NRF1: variants seen among roughly 807,000 people sequenced by gnomAD.
NRF1 encodes alpha palindromic-binding protein.
NRF1 carries 5 observed loss-of-function variants against 58.5 expected under a neutral mutation model. The observed-to-expected ratio is 0.09, with a 90% CI of 0.04 to 0.18. NRF1 has a LOEUF of 0.18. NRF1 is among the 10% of genes least tolerant of loss of function. The pLI, the probability that NRF1 is intolerant of heterozygous loss-of-function variation, is 1.00. For synonymous variants in NRF1, 224 were observed against 246.7 expected (o/e 0.91, Z 0.86); for missense variants, 288 against 657.7 (o/e 0.44, Z 6.15).
At chr7:129,651,664 C>A (rs1801538752) in intron 1 of NRF1, among the ~76,000 whole-genome samples, 1 of 152,038 alleles carries the variant, frequency 6.6e-6, no homozygotes, top group African/African-American at 2.4e-5. Flanking sequence ...TCTGAAGTAC[C>A]CAGAATTCTA....
chr7:129,704,710 G>C (rs944730825), intron 5 of NRF1, among the ~76,000 whole-genome samples: 4 of 152,066 alleles, frequency 2.6e-5, no homozygotes, highest in African/African-American at 9.7e-5. Context: ...ATAGCCTGGT[G>C]GTAATTTCTT....
intron 10 of NRF1, among the ~76,000 whole-genome samples, chr7:129,754,714 T>C (rs1252075339): frequency 6.6e-6 from 1 of 152,154 alleles, no homozygotes; most frequent in Non-Finnish European, 1.5e-5. Flanking sequence ...GATAAATCTT[T>C]AAAGAGATTA....
rs115641507 is a variant in NRF1 at position 129,666,327 on chromosome 7, A to T, written c.224-5102A>T. Among the ~76,000 whole-genome samples, 1,101 of 152,218 alleles carry T rather than the reference A, an allele frequency of 7.2e-3. 16 individuals carry two copies. Among genetic ancestry groups the T allele is most frequent in the African/African-American group, 0.025 (1,048 of 41,536 alleles). On this transcript the variant is annotated intron_variant, in intron 2 of 10. Transcript: ENST00000393232. ...CTTTGTCATTCTCTTGCATTTGTCTATATTTGCTATTATGTGTCTGTATGA... is the reference window on the plus strand; with the variant it reads ...CTTTGTCATTCTCTTGCATTTGTCTTTATTTGCTATTATGTGTCTGTATGA...
chr7:129,673,704 G>A (rs1449558633), intron 3 of NRF1, among the ~76,000 whole-genome samples: 5 of 104,686 alleles, frequency 4.8e-5, no homozygotes, highest in South Asian at 3.5e-4. Flanking sequence ...GCGACAGAGC[G>A]AGACTCCGTC....
intron 6 of NRF1, among the ~76,000 whole-genome samples, chr7:129,709,822 C>G (rs529533756): frequency 1.3e-4 from 20 of 151,296 alleles, no homozygotes; most frequent in Admixed American, 1.3e-3. Flanking sequence ...CCTCTGCCTC[C>G]CGGGTTCAAG....
intron 4 of NRF1, among the ~76,000 whole-genome samples, chr7:129,682,363 A>T (rs1802335317): frequency 6.6e-6 from 1 of 151,070 alleles, no homozygotes; most frequent in Admixed American, 6.6e-5. Context: ...GGAGGCTGAG[A>T]TGTGAAGATT....
intron 10 of NRF1, among the ~76,000 whole-genome samples, chr7:129,746,645 C>G (rs988396857): frequency 3.9e-5 from 6 of 152,204 alleles, no homozygotes; most frequent in Non-Finnish European, 8.8e-5. Context: ...GCAATATAAT[C>G]CGGAATTTAA....
At chr7:129,666,283 C>T (rs1387240687) in intron 2 of NRF1, among the ~76,000 whole-genome samples, 1 of 152,122 alleles carries the variant, frequency 6.6e-6, no homozygotes, top group East Asian at 1.9e-4. Context: ...ACTGGGGTAA[C>T]CAGTATTCTA....
intron 1 of NRF1, among the ~76,000 whole-genome samples, chr7:129,617,324 G>A (rs750938627): frequency 6.6e-6 from 1 of 152,140 alleles, no homozygotes; most frequent in Non-Finnish European, 1.5e-5. Flanking sequence ...TGCTAATGTG[G>A]TTAGGCTGGC....
chr7:129,686,705 T>G (rs968270814), intron 4 of NRF1, among the ~76,000 whole-genome samples: 1 of 152,250 alleles, frequency 6.6e-6, no homozygotes, highest in Non-Finnish European at 1.5e-5. Context: ...CAAATGGCAG[T>G]GGTATACAAG....
intron 10 of NRF1, among the ~76,000 whole-genome samples, chr7:129,728,494 AC>A (rs1554415106): frequency 6.8e-6 from 1 of 147,614 alleles, no homozygotes; most frequent in African/African-American, 2.5e-5. Flanking sequence ...AAAAAAAAAA[AC>A]CAATCCTGGA....
intron 10 of NRF1, among the ~76,000 whole-genome samples, chr7:129,729,565 G>C (rs564373859): frequency 1.3e-5 from 2 of 152,308 alleles, no homozygotes; most frequent in African/African-American, 4.8e-5. Flanking sequence ...GAGTTGTGCC[G>C]TATCCCAGCA....
chr7:129,663,403 C>T (rs1482658499), intron 2 of NRF1, among the ~76,000 whole-genome samples: 2 of 150,914 alleles, frequency 1.3e-5, no homozygotes, highest in Admixed American at 6.6e-5. Flanking sequence ...GCGCTCCTCA[C>T]CTCCCAGACG....
intron 4 of NRF1, among the ~76,000 whole-genome samples, chr7:129,680,220 C>T (rs1183192793): frequency 6.6e-6 from 1 of 152,006 alleles, no homozygotes; most frequent in Non-Finnish European, 1.5e-5. Flanking sequence ...AATCACATTT[C>T]GATTTTCATT....
At chr7:129,708,325 G>A (rs1170640245) in intron 5 of NRF1, among the ~76,000 whole-genome samples, 1 of 152,210 alleles carries the variant, frequency 6.6e-6, no homozygotes, top group Non-Finnish European at 1.5e-5. Flanking sequence ...AATAAGAATG[G>A]CAGTTGTCTT....
intron 1 of NRF1, among the ~76,000 whole-genome samples, chr7:129,645,165 T>G (rs543721313): frequency 3.9e-5 from 6 of 152,344 alleles, no homozygotes; most frequent in South Asian, 4.1e-4. Flanking sequence ...CCATGTCCCC[T>G]TAAGCCCTTT....
intron 3 of NRF1, among the ~76,000 whole-genome samples, chr7:129,674,919 C>T (rs1033580987): frequency 1.3e-5 from 2 of 152,128 alleles, no homozygotes; most frequent in African/African-American, 2.4e-5. Flanking sequence ...TTTGCCCTAT[C>T]GATTGACTCT....
At chr7:129,689,041 G>T (rs918766340) in intron 4 of NRF1, among the ~76,000 whole-genome samples, 3 of 152,092 alleles carry the variant, frequency 2.0e-5, no homozygotes, top group African/African-American at 7.2e-5. Flanking sequence ...TGCTTATGTT[G>T]CAATAAATAT....
At chr7:129,743,625 T>G (rs1455205825) in intron 10 of NRF1, among the ~76,000 whole-genome samples, 1 of 152,262 alleles carries the variant, frequency 6.6e-6, no homozygotes, top group Non-Finnish European at 1.5e-5. Context: ...AGCATGATGT[T>G]ATTTATCCTC....
Sources: allele counts gnomAD v4.1 joint callset (sites outside exome capture counted in the v4.1 genomes callset), GRCh38; gene constraint gnomAD v4.1.1; transcripts MANE v1.5; gene names NCBI Gene and HGNC (gene_info 2026-07-23, HGNC 2026-07-21).